Variants in CADPS observed in about 807,000 individuals in gnomAD.
CADPS encodes calcium dependent secretion activator.
CADPS carries 57 observed loss-of-function variants against 167.3 expected under a neutral mutation model. The observed-to-expected ratio is 0.34, with a 90% CI of 0.28 to 0.42. The LOEUF is 0.42. Among genes scored for constraint, CADPS ranks in the 20% least tolerant of loss-of-function variants. The pLI, the probability that CADPS is intolerant of heterozygous loss-of-function variation, is 1.00. For synonymous variants in CADPS, 676 were observed against 635.3 expected (o/e 1.06, Z -0.96); for missense variants, 1,414 against 1,738.1 (o/e 0.81, Z 3.32).
chr3:62,688,470 T>C (rs2078503010), intron 3 of CADPS, among the ~76,000 whole-genome samples: 1 of 152,016 alleles, frequency 6.6e-6, no homozygotes, highest in African/African-American at 2.4e-5. Context: ...ACCCAGGTCA[T>C]CAGATATTTT....
chr3:62,822,110 G>C (rs545796575), intron 1 of CADPS, among the ~76,000 whole-genome samples: 1 of 152,240 alleles, frequency 6.6e-6, no homozygotes, highest in East Asian at 1.9e-4. Context: ...GCTCTTCTTT[G>C]AAAGGGATCC....
At chr3:62,871,894 T>G (rs917092274) in intron 1 of CADPS, among the ~76,000 whole-genome samples, 2 of 152,180 alleles carry the variant, frequency 1.3e-5, no homozygotes, top group Admixed American at 1.3e-4. Context: ...AATTGAAAGC[T>G]GTTCAGAAAG....
At chr3:62,571,248 A>G (rs2081235654) in intron 8 of CADPS, among the ~76,000 whole-genome samples, 4 of 152,186 alleles carry the variant, frequency 2.6e-5, no homozygotes, top group African/African-American at 9.7e-5. Flanking sequence ...GGAACTCCTG[A>G]AAGACATTGC....
intron 3 of CADPS, among the ~76,000 whole-genome samples, chr3:62,751,231 A>C (rs1054611264): frequency 6.6e-6 from 1 of 151,988 alleles, no homozygotes; most frequent in Non-Finnish European, 1.5e-5. Flanking sequence ...TTGCCAATAC[A>C]CTCCTGAAAC....
At chr3:62,839,722 A>T (rs1438466813) in intron 1 of CADPS, among the ~76,000 whole-genome samples, 3 of 152,190 alleles carry the variant, frequency 2.0e-5, no homozygotes, top group African/African-American at 7.2e-5. Flanking sequence ...GAAGTCGACA[A>T]ATAGAGGATG....
chr3:62,453,386 G>A (rs1183457411), intron 26 of CADPS, among the ~76,000 whole-genome samples: 1 of 152,122 alleles, frequency 6.6e-6, no homozygotes, highest in East Asian at 1.9e-4. Flanking sequence ...TTCAATTCTA[G>A]TGGAGAAAGG....
chr3:62,630,168 T>C (rs2065017278), intron 6 of CADPS, among the ~76,000 whole-genome samples: 1 of 152,194 alleles, frequency 6.6e-6, no homozygotes, highest in Non-Finnish European at 1.5e-5. Context: ...ATACATATTT[T>C]TTTGTAAGCA....
chr3:62,665,960 A>G (rs536109528), intron 3 of CADPS, among the ~76,000 whole-genome samples: 3 of 152,256 alleles, frequency 2.0e-5, no homozygotes, highest in Admixed American at 6.5e-5. Context: ...TTGTGTTGTT[A>G]TTTTAGAGCA....
intron 1 of CADPS, among the ~76,000 whole-genome samples, chr3:62,829,186 T>C (rs1314105087): frequency 6.6e-6 from 1 of 152,176 alleles, no homozygotes; most frequent in Admixed American, 6.5e-5. Flanking sequence ...GGCCTTTGTA[T>C]TGGTGGAATC....
chr3:62,635,482 C>T (rs1422024942), intron 6 of CADPS, among the ~76,000 whole-genome samples: 1 of 152,144 alleles, frequency 6.6e-6, no homozygotes, highest in Non-Finnish European at 1.5e-5. Flanking sequence ...GTGCTACTTG[C>T]TAAAAGTCAA....
At chr3:62,703,103 T>A (rs2081711154) in intron 3 of CADPS, among the ~76,000 whole-genome samples, 1 of 152,162 alleles carries the variant, frequency 6.6e-6, no homozygotes, top group East Asian at 1.9e-4. Context: ...TAAGCACCAT[T>A]ATAAAACAAA....
chr3:62,838,430 G>A (rs947531760), intron 1 of CADPS, among the ~76,000 whole-genome samples: 5 of 152,158 alleles, frequency 3.3e-5, no homozygotes, highest in Admixed American at 1.3e-4. Context: ...AAAATCTAGC[G>A]TTGAGGTCAT....
chr3:62,808,738 C>T (rs1015408578), intron 1 of CADPS, among the ~76,000 whole-genome samples: 1 of 152,002 alleles, frequency 6.6e-6, no homozygotes, highest in African/African-American at 2.4e-5. Context: ...TCAGTGCCAC[C>T]TTCTATGCAA....
chr3:62,402,397 G>A (rs1227556269), intron 29 of CADPS, among the ~76,000 whole-genome samples: 1 of 152,030 alleles, frequency 6.6e-6, no homozygotes, highest in African/African-American at 2.4e-5. Context: ...CTATGGTGAA[G>A]CATCAAATAG....
intron 1 of CADPS, among the ~76,000 whole-genome samples, chr3:62,835,338 C>A (rs1209517071): frequency 6.6e-6 from 1 of 152,154 alleles, no homozygotes; most frequent in Non-Finnish European, 1.5e-5. Context: ...CTAGAAAATT[C>A]TTGTAAAGTG....
At position 62,874,667 on chromosome 3, in the gene CADPS, C is replaced by G; in HGVS notation, c.363G>C (p.Leu121=). ...CGATGCAGCGCATCACGAACACATA[C>G]AGCTGCAGCCTCTTCTTCCTCTCCT... ...EEEERKKRLQ[L]YVFVMRCIAY... Residue 121 remains leucine (L), a synonymous_variant, in exon 1 of 30, where the codon CTG becomes CTC. Transcript: ENST00000383710. This position sits in a 1 kb window ranked among gnomAD's most constrained non-coding sequence, Gnocchi z 7.1. 1 of 1,557,002 alleles carries G rather than the reference C, an allele frequency of 6.4e-7. No individual in the cohort carries two copies. Among genetic ancestry groups the G allele is most frequent in the Non-Finnish European group, 8.7e-7 (1 of 1,149,726 alleles).
At chr3:62,701,706 C>A (rs34042888) in intron 3 of CADPS, among the ~76,000 whole-genome samples, 12,049 of 151,872 alleles carry the variant, frequency 0.079, 632 homozygotes, top group Non-Finnish European at 0.12. Flanking sequence ...CCTGTAGGCA[C>A]TGCCTCAGGG....
chr3:62,707,785 CT>C, intron 3 of CADPS, among the ~76,000 whole-genome samples: 1 of 152,130 alleles, frequency 6.6e-6, no homozygotes, highest in Non-Finnish European at 1.5e-5. Flanking sequence ...AAATATGTTA[CT>C]AAAATTAATT....
Position 62,458,530 on chromosome 3 carries a change from C to T in CADPS, c.3636+6837G>A, listed in dbSNP as rs1357198610. Among the ~76,000 whole-genome samples the T allele has an allele frequency of 6.6e-6, 1 of 151,996 alleles. No homozygotes were observed. The highest frequency in any genetic ancestry group is 1.9e-4 in the East Asian group (1 of 5,188). On this transcript the variant is annotated intron_variant, in intron 26 of 29. Transcript: ENST00000383710. This position sits in a 1 kb window ranked among gnomAD's most constrained non-coding sequence, Gnocchi z 4.6. ...TTGAGACGGAGTCTGGCTCTATCAC[C>T]CAGGCTGGAGTGAAGTGGCACGATT...
Sources: gnomAD v4.1 joint callset for allele counts (sites outside exome capture counted in the v4.1 genomes callset) on GRCh38, gnomAD v4.1.1 for gene constraint, Gnocchi (gnomAD v3.1) non-coding constraint, MANE v1.5 for transcripts, NCBI Gene and HGNC (gene_info 2026-07-23, HGNC 2026-07-21) for gene names.